The following TTC39B variants were observed in gnomAD, a reference collection of about 807,000 sequenced individuals.
TTC39B encodes the protein tetratricopeptide repeat domain 39B, also known as tetratricopeptide repeat protein 39B.
In TTC39B, 92 loss-of-function variants were observed where a neutral mutation model predicts 96.6. That is an observed-to-expected ratio of 0.95 (90% confidence interval 0.80 to 1.13). The LOEUF is 1.13. Among genes scored for constraint, TTC39B ranks in the 50% most tolerant of loss-of-function variants. The probability of loss-of-function intolerance (pLI) is 0.00; values close to 1 mark genes in which losing one functional copy is unlikely to be tolerated. For missense variants in TTC39B, 955 were observed against 809.3 expected (o/e 1.18, Z -2.18); for synonymous variants, 367 against 299.4 (o/e 1.23, Z -2.33).
chr9:15,299,678 C>G (rs1233445876), intron 1 of TTC39B, among the ~76,000 whole-genome samples: 1 of 152,170 alleles, frequency 6.6e-6, no homozygotes, highest in Non-Finnish European at 1.5e-5. Context: ...TCAGGAGACT[C>G]CGCCTGAGAT....
At chr9:15,199,689 T>A (rs924186357) in intron 8 of TTC39B, among the ~76,000 whole-genome samples, 172 bp downstream of exon 8, 1 of 119,160 alleles carries the variant, frequency 8.4e-6, no homozygotes, top group Admixed American at 1.2e-4. Context: ...GAGCCGAGAT[T>A]GCGCCACTGC....
At chr9:15,179,341 A>C (rs2118564787) in intron 17 of TTC39B, among the ~76,000 whole-genome samples, 1 of 152,294 alleles carries the variant, frequency 6.6e-6, no homozygotes, top group Admixed American at 6.5e-5. Flanking sequence ...TTTCAGCACA[A>C]ACCTCAGAAA....
rs1824767374 is a variant in TTC39B, at chr9:15,306,800, C to G, written c.240+284G>C. ...GTCCTATGGTCCCGCGCCCTCACGC[C>G]CATCCAAGTGCTGGCAGGACGTGGG... On this transcript the variant is annotated intron_variant, in intron 1 of 19. Transcript: ENST00000512701. This position sits in a 1 kb window ranked among gnomAD's most constrained non-coding sequence, Gnocchi z 5.1. Among the ~76,000 whole-genome samples the G allele has an allele frequency of 6.6e-6, 1 of 152,188 alleles. No homozygotes were observed. Among genetic ancestry groups the G allele is most frequent in the African/African-American group, 2.4e-5 (1 of 41,472 alleles).
chr9:15,275,620 C>A (rs1396946176), intron 1 of TTC39B, among the ~76,000 whole-genome samples: 1 of 152,070 alleles, frequency 6.6e-6, no homozygotes, highest in African/African-American at 2.4e-5. Flanking sequence ...ATGAAACCAC[C>A]AGGTAAAGGG....
chr9:15,233,291 A>G lies in TTC39B; in HGVS notation c.276-7279T>C, dbSNP rs1383969295. On this transcript the variant is annotated intron_variant, in intron 2 of 19. Coordinates refer to ENST00000512701, the Ensembl canonical transcript of TTC39B. Reference sequence around the variant, plus strand: ...ACCTGGCCGGTGCCATGACACCGGAACACACGGCGACAAGGAGAAGGGAGA... The same window carrying G: ...ACCTGGCCGGTGCCATGACACCGGAGCACACGGCGACAAGGAGAAGGGAGA... Among the ~76,000 whole-genome samples the G allele has an allele frequency of 3.3e-5, 5 of 152,126 alleles. No individual in the cohort carries two copies. In the East Asian group the frequency reaches 9.7e-4, roughly 29 times the overall value.
chr9:15,199,734 CAAAAAAAAAAAAAAAAAAA>C lies in TTC39B; in HGVS notation c.824+108_824+126del, dbSNP rs35361396. 7.5e-4 allele frequency: 53 copies of C among 70,690 alleles called. 1 individual carries two copies. Among genetic ancestry groups the C allele is most frequent in the Non-Finnish European group, 1.0e-3 (42 of 40,770 alleles). 4.4% of individuals were successfully genotyped at this position (70,690 alleles called of 1,614,324 possible). On this transcript the variant is annotated intron_variant, in intron 8 of 19. Transcript: ENST00000512701. Reference sequence around the variant, plus strand: ...TGGGTGACAGAGTGAGACTCCGTCTCAAAAAAAAAAAAAAAAAAAAAAAAAAAAAAAAAATCCTAGTCAA... The same window carrying C: ...TGGGTGACAGAGTGAGACTCCGTCTCAAAAAAAAAAAAAAATCCTAGTCAA...
intron 2 of TTC39B, among the ~76,000 whole-genome samples, chr9:15,239,166 G>T (rs1586940368): frequency 6.6e-6 from 1 of 151,830 alleles, no homozygotes; most frequent in East Asian, 1.9e-4. Context: ...AAAAAAAAAT[G>T]CTCAACATCA....
At chr9:15,210,951 G>C (rs1820159683) in intron 5 of TTC39B, among the ~76,000 whole-genome samples, 1 of 152,088 alleles carries the variant, frequency 6.6e-6, no homozygotes, top group Non-Finnish European at 1.5e-5. Flanking sequence ...CTTAAAACAA[G>C]AATGTTCCTT....
At chr9:15,277,919 A>G (rs1036170048) in intron 1 of TTC39B, among the ~76,000 whole-genome samples, 2 of 152,218 alleles carry the variant, frequency 1.3e-5, no homozygotes, top group African/African-American at 4.8e-5. Flanking sequence ...AGCAGTTCAC[A>G]CAATGATTCT....
chr9:15,167,021 TATATA>T (rs1192285539), exon 20 of TTC39B: 11 of 11,602 alleles, frequency 9.5e-4, no homozygotes, highest in Non-Finnish European at 1.2e-3. Context: ...TATATATATA[TATATA>T]TATTTTTTTT....
chr9:15,233,639 G>T (rs938939784), intron 2 of TTC39B, among the ~76,000 whole-genome samples: 11 of 152,204 alleles, frequency 7.2e-5, no homozygotes, highest in African/African-American at 2.4e-4. Flanking sequence ...ATTGCAGACG[G>T]AGTCTCGTTC....
chr9:15,248,535 T>C (rs1033500757), intron 2 of TTC39B, among the ~76,000 whole-genome samples: 8 of 152,222 alleles, frequency 5.3e-5, no homozygotes, highest in African/African-American at 1.9e-4. Flanking sequence ...TGAGGGAAGA[T>C]ACAATATTTT....
chr9:15,233,783 C>T (rs1274010343), intron 2 of TTC39B, among the ~76,000 whole-genome samples: 1 of 152,164 alleles, frequency 6.6e-6, no homozygotes, highest in Non-Finnish European at 1.5e-5. Context: ...GCCACCCCGT[C>T]TGGGAAGTGA....
Position 15,211,125 on chromosome 9 carries a change from T to C in TTC39B, c.614+141A>G, listed in dbSNP as rs112876380. On this transcript the variant is annotated intron_variant, in intron 5 of 19. Transcript: ENST00000512701. ...TATGTAGATGCCAAATGGGAATCCTTCAGCTTCGAGGCTGAATTTCTTTTC... is the reference window on the plus strand; with the variant it reads ...TATGTAGATGCCAAATGGGAATCCTCCAGCTTCGAGGCTGAATTTCTTTTC... 4.1e-6 allele frequency: 4 copies of C among 973,968 alleles called. No individual in the cohort carries two copies. The African/African-American group carries it at 5.1e-5, about 12-fold the overall frequency. The allele number at this position is 973,968 out of a possible 1,614,324, so 60.3% of individuals were successfully genotyped here.
rs767272006 is a variant in TTC39B, at chr9:15,182,289, C to A, written c.1723+18G>T. 9 of 1,538,758 alleles carry A rather than the reference C, an allele frequency of 5.8e-6. No homozygotes were observed. The highest frequency in any genetic ancestry group is 1.8e-5 in the Admixed American group (1 of 55,946). Reference sequence around the variant, plus strand: ...GAGCAGAGACAAAGGCTCCTCGGTGCTTACTGTGTATACTTACTTTGACTT... The same window carrying A: ...GAGCAGAGACAAAGGCTCCTCGGTGATTACTGTGTATACTTACTTTGACTT... On this transcript the variant is annotated intron_variant, in intron 17 of 19. Transcript: ENST00000512701.
chr9:15,248,076 A>T (rs1395295217), intron 2 of TTC39B, among the ~76,000 whole-genome samples: 1 of 152,136 alleles, frequency 6.6e-6, no homozygotes, highest in Non-Finnish European at 1.5e-5. Flanking sequence ...GATTTTTTTT[A>T]AAAGCCAAAA....
chr9:15,278,139 C>A (rs894407259), intron 1 of TTC39B, among the ~76,000 whole-genome samples: 2 of 152,028 alleles, frequency 1.3e-5, no homozygotes, highest in African/African-American at 4.8e-5. Flanking sequence ...TCCTTTTCTG[C>A]ATTTCATTAT....
intron 2 of TTC39B, chr9:15,250,282 T>A (rs1028899668): frequency 1.7e-5 from 15 of 898,086 alleles, no homozygotes; most frequent in African/African-American, 5.4e-5. Context: ...TTCTAATCCA[T>A]CACTGTTTAA....
chr9:15,164,117 A>C (rs1817477857), exon 20 of TTC39B: 1 of 152,250 alleles, frequency 6.6e-6, no homozygotes, highest in South Asian at 2.1e-4. Context: ...CTTGATCAGC[A>C]GATGGATGTT....
Sources: gnomAD v4.1 joint callset for allele counts (sites outside exome capture counted in the v4.1 genomes callset) on GRCh38, gnomAD v4.1.1 for gene constraint, Gnocchi (gnomAD v3.1) non-coding constraint, MANE v1.5 for transcripts, NCBI Gene and HGNC (gene_info 2026-07-23, HGNC 2026-07-21) for gene names.